CNTN5: variants seen among roughly 807,000 people sequenced by gnomAD.
CNTN5 encodes the protein contactin-5.
A neutral mutation model predicts 129.1 loss-of-function variants in CNTN5; 77 were observed. The observed-to-expected ratio is 0.60, with a 90% CI of 0.50 to 0.72. CNTN5 has a LOEUF of 0.72. Among genes scored for constraint, CNTN5 ranks in the 30% least tolerant of loss-of-function variants. The pLI is 0.00. For synonymous variants in CNTN5, 509 were observed against 465.6 expected (o/e 1.09, Z -1.20); for missense variants, 1,478 against 1,328.8 (o/e 1.11, Z -1.75).
chr11:99,950,642 C>A (rs1250974551), intron 7 of CNTN5, among the ~76,000 whole-genome samples: 1 of 152,092 alleles, frequency 6.6e-6, no homozygotes, highest in Non-Finnish European at 1.5e-5. Context: ...GTACGAGGTA[C>A]AAGATGAATT....
At chr11:99,724,214 A>G (rs1034365503) in intron 3 of CNTN5, among the ~76,000 whole-genome samples, 1 of 152,046 alleles carries the variant, frequency 6.6e-6, no homozygotes, top group Non-Finnish European at 1.5e-5. Flanking sequence ...TTCAGGATCT[A>G]TATACTCTCT....
chr11:99,233,878 G>A (rs1031617337), intron 1 of CNTN5, among the ~76,000 whole-genome samples: 4 of 152,032 alleles, frequency 2.6e-5, no homozygotes, highest in African/African-American at 7.2e-5. Context: ...CCCGGAAGGC[G>A]GAGCTTGCAG....
intron 2 of CNTN5, among the ~76,000 whole-genome samples, chr11:99,516,934 A>T (rs1457373222): frequency 4.6e-5 from 7 of 152,164 alleles, no homozygotes; most frequent in Admixed American, 2.0e-4. Flanking sequence ...AAACAATGAA[A>T]AATGAATGGG....
chr11:99,675,965 A>G (rs867081947), intron 3 of CNTN5, among the ~76,000 whole-genome samples: 19 of 151,990 alleles, frequency 1.3e-4, no homozygotes, highest in African/African-American at 4.6e-4. Context: ...AAAATTCTCT[A>G]TAGATATTAT....
chr11:99,357,454 G>A (rs572908391), intron 2 of CNTN5, among the ~76,000 whole-genome samples: 1 of 151,452 alleles, frequency 6.6e-6, no homozygotes, highest in African/African-American at 2.4e-5. Context: ...GAACTCCTTT[G>A]CAAGCTTGAA....
chr11:100,028,482 A>ATTTATTAT (rs1488413976), intron 9 of CNTN5, among the ~76,000 whole-genome samples: 9 of 152,100 alleles, frequency 5.9e-5, no homozygotes, highest in Non-Finnish European at 1.3e-4. Flanking sequence ...TCATATGTTA[A>ATTTATTAT]TTTATTATTT....
At chr11:99,710,032 A>G (rs1359984290) in intron 3 of CNTN5, among the ~76,000 whole-genome samples, 1 of 151,816 alleles carries the variant, frequency 6.6e-6, no homozygotes, top group Non-Finnish European at 1.5e-5. Context: ...GTTTCCTGCC[A>G]TATTCTGCTT....
chr11:99,801,390 G>A (rs1448988747), intron 3 of CNTN5, among the ~76,000 whole-genome samples: 1 of 152,086 alleles, frequency 6.6e-6, no homozygotes, highest in Non-Finnish European at 1.5e-5. Context: ...ACTTTGGACA[G>A]TGTGATTACT....
intron 1 of CNTN5, among the ~76,000 whole-genome samples, chr11:99,198,181 A>G (rs1379897121): frequency 6.6e-6 from 1 of 152,100 alleles, no homozygotes; most frequent in Non-Finnish European, 1.5e-5. Flanking sequence ...GTCTTCCCCT[A>G]CAATGGTGAA....
chr11:100,256,001 A>T, intron 17 of CNTN5, 83 bp downstream of exon 17: 1 of 1,177,442 alleles, frequency 8.5e-7, no homozygotes, highest in Non-Finnish European at 1.2e-6. Flanking sequence ...TCTTACTATG[A>T]TTTTTTTGGA....
intron 3 of CNTN5, among the ~76,000 whole-genome samples, chr11:99,756,962 A>G (rs1422509723): frequency 6.6e-6 from 1 of 151,654 alleles, no homozygotes; most frequent in Non-Finnish European, 1.5e-5. Flanking sequence ...ACATGTGCTA[A>G]TGCCAAACTT....
At chr11:99,637,010 CAAAAAAAAAAAAAAAAAAA>C (rs869133131) in intron 3 of CNTN5, among the ~76,000 whole-genome samples, 2 of 7,824 alleles carry the variant, frequency 2.6e-4, no homozygotes, top group African/African-American at 5.3e-4. Context: ...AACTTTGTCT[CAAAAAAAAAAAAAAAAAAA>C]AAAAAAAAAA....
chr11:99,140,715 T>G (rs1263452578), intron 1 of CNTN5, among the ~76,000 whole-genome samples: 1 of 152,106 alleles, frequency 6.6e-6, no homozygotes, highest in Non-Finnish European at 1.5e-5. Flanking sequence ...AATGTTAAAT[T>G]TTATCAAAAG....
intron 13 of CNTN5, among the ~76,000 whole-genome samples, chr11:100,089,321 G>C (rs12417945): frequency 6.6e-6 from 1 of 152,000 alleles, no homozygotes; most frequent in Non-Finnish European, 1.5e-5. Context: ...CAACATCACC[G>C]ATCATTATAG....
intron 15 of CNTN5, among the ~76,000 whole-genome samples, chr11:100,199,851 A>T (rs2138543428): frequency 6.6e-6 from 1 of 152,022 alleles, no homozygotes; most frequent in South Asian, 2.1e-4. Context: ...AAGTAATTTT[A>T]TTTTTCATCA....
chr11:99,992,955 T>G (rs1939209647), intron 8 of CNTN5, among the ~76,000 whole-genome samples: 1 of 152,160 alleles, frequency 6.6e-6, no homozygotes, highest in Non-Finnish European at 1.5e-5. Context: ...GAGTGTTTCT[T>G]GAGCTATATA....
rs200216962 is a variant in CNTN5, at chr11:100,299,597, T to C, written c.2620+201T>C. On this transcript the variant is annotated intron_variant, in intron 20 of 24. Coordinates refer to ENST00000524871, the MANE Select transcript of CNTN5 (RefSeq NM_014361.4). ...AGTTGATTATTCCACATATGTTGCT[T>C]TAAGTTTTTCACATCCTAACAATAT... Among the ~76,000 whole-genome samples the C allele has an allele frequency of 2.0e-5, 3 of 151,468 alleles. No individual in the cohort carries two copies. In the South Asian group the frequency reaches 6.2e-4, roughly 31 times the overall value.
chr11:99,742,782 C>T (rs1172352451), intron 3 of CNTN5, among the ~76,000 whole-genome samples: 2 of 152,164 alleles, frequency 1.3e-5, no homozygotes, highest in African/African-American at 4.8e-5. Flanking sequence ...GATAGTAATA[C>T]TTCTAGTTAC....
chr11:100,037,001 CTA>C (rs1429437721), intron 9 of CNTN5, among the ~76,000 whole-genome samples: 2 of 151,752 alleles, frequency 1.3e-5, no homozygotes, highest in East Asian at 3.9e-4. Context: ...ACTTCCAACA[CTA>C]TGTTGAATAG....
Sources: gnomAD v4.1 joint callset for allele counts (sites outside exome capture counted in the v4.1 genomes callset) on GRCh38, gnomAD v4.1.1 for gene constraint, MANE v1.5 for transcripts, NCBI Gene and HGNC (gene_info 2026-07-23, HGNC 2026-07-21) for gene names.